The following GPAT3 variants were observed in gnomAD, a reference collection of about 807,000 sequenced individuals.
GPAT3 encodes 1-AGP acyltransferase 9.
GPAT3 carries 53 observed loss-of-function variants against 58.8 expected under a neutral mutation model. The observed-to-expected ratio is 0.90, with a 90% CI of 0.72 to 1.13. GPAT3 has a LOEUF of 1.13. Ranked by LOEUF, GPAT3 falls within the 50% of genes most tolerant of loss-of-function variation. GPAT3 has a pLI of 0.00. For synonymous variants in GPAT3, 197 were observed against 187.4 expected, an observed-to-expected ratio of 1.05 and a Z score of -0.42; for missense variants, 511 against 527.6, an observed-to-expected ratio of 0.97 and a Z score of 0.31.
At chr4:83,597,686 A>G (rs1441134843) in intron 9 of GPAT3, among the ~76,000 whole-genome samples, 171 bp downstream of exon 9, 5 of 152,084 alleles carry the variant, frequency 3.3e-5, no homozygotes, top group South Asian at 2.1e-4. Context: ...CTCGCTCTCT[A>G]TATGTAGATA....
At chr4:83,553,033 T>TG (rs1228641751) in intron 2 of GPAT3, among the ~76,000 whole-genome samples, 110 of 152,164 alleles carry the variant, frequency 7.2e-4, no homozygotes, top group African/African-American at 2.6e-3. Flanking sequence ...TCCAGACCTG[T>TG]GGGAAAATAA....
At chr4:83,581,891 T>G (rs1674347) in intron 3 of GPAT3, 59 bp downstream of exon 3, 2 of 1,549,866 alleles carry the variant, frequency 1.3e-6, no homozygotes, top group Non-Finnish European at 1.7e-6. Flanking sequence ...TTTTGAATCA[T>G]GTACATAATG....
At chr4:83,595,153 A>G (rs1334715553) in intron 7 of GPAT3, 193 bp downstream of exon 7, 9 of 477,662 alleles carry the variant, frequency 1.9e-5, no homozygotes, top group Middle Eastern at 5.6e-4. Context: ...TCATGGTAGG[A>G]TATATGATGG....
At chr4:83,571,479 C>A (rs1725601462) in intron 2 of GPAT3, among the ~76,000 whole-genome samples, 1 of 151,712 alleles carries the variant, frequency 6.6e-6, no homozygotes, top group Non-Finnish European at 1.5e-5. Context: ...GTAGTAGTAT[C>A]TCATTATAGT....
chr4:83,599,963 T>C (rs61370203), intron 11 of GPAT3, among the ~76,000 whole-genome samples: 4,792 of 152,238 alleles, frequency 0.031, 242 homozygotes, highest in African/African-American at 0.11. Context: ...ACAATTATAA[T>C]AATACACTGA....
At chr4:83,571,377 A>G (rs112770277) in intron 2 of GPAT3, among the ~76,000 whole-genome samples, 3 of 152,160 alleles carry the variant, frequency 2.0e-5, no homozygotes, top group African/African-American at 7.2e-5. Flanking sequence ...GTGCACTCTC[A>G]GCAGCAAAGT....
intron 6 of GPAT3, among the ~76,000 whole-genome samples, chr4:83,594,622 G>C (rs1474250): frequency 6.6e-6 from 1 of 152,006 alleles, no homozygotes; most frequent in South Asian, 2.1e-4. Context: ...TGAAGTTAGA[G>C]GATTGCTAGC....
At chr4:83,582,162 A>T (rs555935146) in intron 3 of GPAT3, among the ~76,000 whole-genome samples, 1 of 152,364 alleles carries the variant, frequency 6.6e-6, no homozygotes, top group East Asian at 1.9e-4. Flanking sequence ...AGAGATCATC[A>T]ACAGTTTCAT....
chr4:83,563,574 C>T (rs1179255501), intron 2 of GPAT3, among the ~76,000 whole-genome samples: 2 of 150,768 alleles, frequency 1.3e-5, no homozygotes, highest in Non-Finnish European at 1.5e-5. Flanking sequence ...CTCCTCCTCC[C>T]AGGTCCAAGC....
At chr4:83,581,539 A>T in intron 2 of GPAT3, 23 bp from the exon 3 acceptor site, 1 of 1,602,732 alleles carries the variant, frequency 6.2e-7, no homozygotes, top group South Asian at 1.1e-5. Flanking sequence ...GCATTTTCTC[A>T]TGTCCTGATG....
intron 3 of GPAT3, among the ~76,000 whole-genome samples, chr4:83,584,796 G>A (rs925377013): frequency 1.3e-5 from 2 of 152,164 alleles, no homozygotes; most frequent in Admixed American, 6.5e-5. Flanking sequence ...GTGAGCCAGT[G>A]CCTGAACTGA....
chr4:83,597,606 CA>C (rs1726893180), intron 9 of GPAT3, 91 bp downstream of exon 9: 1 of 985,920 alleles, frequency 1.0e-6, no homozygotes, highest in Non-Finnish European at 1.4e-6. Flanking sequence ...TTAAAATTTG[CA>C]AGAACGAGGA....
intron 2 of GPAT3, among the ~76,000 whole-genome samples, chr4:83,563,356 T>A (rs1250495064): frequency 6.6e-6 from 1 of 152,240 alleles, no homozygotes; most frequent in Non-Finnish European, 1.5e-5. Flanking sequence ...CTTCCACTCC[T>A]GTTACTGACT....
chr4:83,578,192 G>C (rs187050952), intron 2 of GPAT3, among the ~76,000 whole-genome samples: 2 of 152,224 alleles, frequency 1.3e-5, no homozygotes, highest in Admixed American at 1.3e-4. Flanking sequence ...TTTATGAATT[G>C]CTTGCTATAT....
chr4:83,566,405 A>T (rs369877222), intron 2 of GPAT3, among the ~76,000 whole-genome samples: 116 of 141,600 alleles, frequency 8.2e-4, no homozygotes, highest in Middle Eastern at 3.6e-3. Flanking sequence ...TCTTTTTTTT[A>T]AAAAATTAAT....
rs1560623072 is a variant in GPAT3, at chr4:83,581,569, C to A, written c.216C>A (p.Ile72=). Residue 72 remains isoleucine, a synonymous_variant, in exon 3 of 12, where the codon ATC becomes ATA. Transcript: ENST00000264409. Reference sequence around the variant, plus strand: ...CTGATGCTTTCTTTTAAGGTATTATCCAAAGAGATGAGTCACCCATGGAAA... The same window carrying A: ...CTGATGCTTTCTTTTAAGGTATTATACAAAGAGATGAGTCACCCATGGAAA... ...ILKNSASVGI[I]QRDESPMEKG... 6.2e-7 allele frequency: 1 copy of A among 1,613,448 alleles called. No homozygotes were observed. The highest frequency in any genetic ancestry group is 8.5e-7 in the Non-Finnish European group (1 of 1,179,826).
chr4:83,576,214 T>TC (rs1296133362), intron 2 of GPAT3, among the ~76,000 whole-genome samples: 1 of 152,202 alleles, frequency 6.6e-6, no homozygotes, highest in African/African-American at 2.4e-5. Flanking sequence ...CTATCAAGTC[T>TC]CTTATCTAGT....
chr4:83,600,827 C>T (rs533323410), intron 11 of GPAT3, among the ~76,000 whole-genome samples: 1 of 152,238 alleles, frequency 6.6e-6, no homozygotes, highest in Admixed American at 6.5e-5. Flanking sequence ...TATTTACATA[C>T]AGGATGTTAA....
intron 2 of GPAT3, among the ~76,000 whole-genome samples, chr4:83,570,498 A>T (rs570395076): frequency 7.8e-6 from 1 of 128,064 alleles, no homozygotes; most frequent in African/African-American, 3.2e-5. Flanking sequence ...TTTGAGACGG[A>T]GTCTTGCTCA....
Sources: allele counts gnomAD v4.1 joint callset (sites outside exome capture counted in the v4.1 genomes callset), GRCh38; gene constraint gnomAD v4.1.1; transcripts MANE v1.5; gene names NCBI Gene and HGNC (gene_info 2026-07-23, HGNC 2026-07-21).